ZGRF1: variants seen among roughly 807,000 people sequenced by gnomAD.
ZGRF1 encodes the protein 5'-3' DNA helicase ZGRF1.
In ZGRF1, 196 loss-of-function variants were observed where a neutral mutation model predicts 203.5. That is an observed-to-expected ratio of 0.96 (90% CI 0.86 to 1.08). The LOEUF (loss-of-function observed/expected upper bound fraction) is 1.08, where lower values mean the gene tolerates loss of function less well. Ranked by LOEUF, ZGRF1 falls within the 50% of genes least tolerant of loss-of-function variation. ZGRF1 has a pLI of 0.00. For synonymous variants in ZGRF1, 809 were observed against 841.3 expected, an observed-to-expected ratio of 0.96 and a Z score of 0.66; for missense variants, 2,326 against 2,416.3, an observed-to-expected ratio of 0.96 and a Z score of 0.78.
intron 3 of ZGRF1, among the ~76,000 whole-genome samples, chr4:112,625,594 A>AAG (rs1283150290): frequency 6.7e-6 from 1 of 148,984 alleles, no homozygotes; most frequent in African/African-American, 2.5e-5. Flanking sequence ...TCAAAAAAAA[A>AAG]AAAAAAAGAA....
chr4:112,541,441 T>C (rs963517504), intron 24 of ZGRF1, among the ~76,000 whole-genome samples, 173 bp from the exon 25 acceptor site: 4 of 151,818 alleles, frequency 2.6e-5, no homozygotes, highest in African/African-American at 9.7e-5. Flanking sequence ...AAAAATATGT[T>C]CATATTAATT....
At chr4:112,561,613 G>A (rs1454764917) in intron 18 of ZGRF1, 1 of 152,292 alleles carries the variant, frequency 6.6e-6, no homozygotes, top group African/African-American at 2.4e-5. Context: ...CAATTTTAAT[G>A]CATTTAATAT....
intron 3 of ZGRF1, among the ~76,000 whole-genome samples, chr4:112,630,224 C>T (rs1000591938): frequency 1.3e-5 from 2 of 151,200 alleles, no homozygotes; most frequent in African/African-American, 4.9e-5. Flanking sequence ...TAGGGCCAGG[C>T]GCAGTGGCTC....
chr4:112,626,888 C>T (rs563532280), intron 3 of ZGRF1, among the ~76,000 whole-genome samples: 2 of 152,288 alleles, frequency 1.3e-5, no homozygotes, highest in East Asian at 1.9e-4. Flanking sequence ...TCACTGCAAC[C>T]TCCACCTCCC....
intron 4 of ZGRF1, among the ~76,000 whole-genome samples, chr4:112,621,971 G>A (rs935039097): frequency 3.0e-4 from 46 of 151,136 alleles, no homozygotes; most frequent in Admixed American, 8.6e-4. Flanking sequence ...CAGGTGATCC[G>A]CCTGCCTCGG....
intron 16 of ZGRF1, among the ~76,000 whole-genome samples, chr4:112,564,388 G>A (rs911317379): frequency 6.6e-6 from 1 of 152,124 alleles, no homozygotes; most frequent in African/African-American, 2.4e-5. Context: ...ACTGGGCAGC[G>A]ACTAAGATTT....
Position 112,618,027 on chromosome 4 carries a change from T to G in ZGRF1, c.2015A>C (p.Asn672Thr). 2 of 1,613,010 alleles carry G rather than the reference T, an allele frequency of 1.2e-6. No homozygotes were observed. The highest frequency in any genetic ancestry group is 1.7e-6 in the Non-Finnish European group (2 of 1,179,692). ...ATTCGGGGGTAAAGCAAAATCATAG[T>G]TAATTCTGACTTCTTGAATAGGTTT... ...ANKPIQEVRI[N>T]YDFALPPNKS... Residue 672 changes from asparagine to threonine, a missense_variant, in exon 6 of 28, where the codon AAC (asparagine) becomes ACC (threonine). Asn to Thr is a moderately conservative substitution (Grantham distance 65, BLOSUM62 0). Coordinates refer to ENST00000505019, the MANE Select transcript of ZGRF1 (RefSeq NM_018392.5).
At chr4:112,599,140 C>T (rs1749523329) in intron 10 of ZGRF1, among the ~76,000 whole-genome samples, 1 of 151,836 alleles carries the variant, frequency 6.6e-6, no homozygotes, top group Non-Finnish European at 1.5e-5. Flanking sequence ...GCGAAGAGCT[C>T]CTACAAATCA....
At position 112,618,650 on chromosome 4, in the gene ZGRF1, T is replaced by G. The variant is rs764959242; in HGVS notation, c.1392A>C (p.Thr464=). The G allele has an allele frequency of 1.2e-6, 2 of 1,613,390 alleles. No homozygotes were observed. The highest frequency in any genetic ancestry group is 8.5e-7 in the Non-Finnish European group (1 of 1,179,746). The change falls in exon 6 of 28, where the codon ACA becomes ACC. Residue 464 remains threonine, a synonymous_variant. Coordinates refer to ENST00000505019, the MANE Select transcript of ZGRF1 (RefSeq NM_018392.5). The part of the protein sequence containing the change: ...LIKENAQEVN[T]CGTLEKEYEQ... ...CATACTCCTTTTCCAGTGTTCCACA[T>G]GTATTTACCTCCTGAGCATTTTCTT... is the stretch of plus-strand genomic sequence containing the variant.
intron 4 of ZGRF1, among the ~76,000 whole-genome samples, chr4:112,621,694 A>T (rs929673875): frequency 6.6e-6 from 1 of 151,132 alleles, no homozygotes; most frequent in African/African-American, 2.4e-5. Flanking sequence ...GAAAATATAC[A>T]AACTCTATAT....
chr4:112,633,200 A>T lies in ZGRF1; in HGVS notation c.-24T>A. 6.3e-7 allele frequency: 1 copy of T among 1,597,950 alleles called. No individual in the cohort carries two copies. Among genetic ancestry groups the T allele is most frequent in the Non-Finnish European group, 8.6e-7 (1 of 1,167,022 alleles). On this transcript the variant is annotated 5_prime_UTR_variant, in exon 2 of 28. Coordinates refer to ENST00000505019, the MANE Select transcript of ZGRF1 (RefSeq NM_018392.5). Reference sequence around the variant, plus strand: ...ATTATTTCTTCTGAAGTTATAAACCAGCTGGGTCCAGAAAATAGGAAATAT... The same window carrying T: ...ATTATTTCTTCTGAAGTTATAAACCTGCTGGGTCCAGAAAATAGGAAATAT...
chr4:112,617,701 G>A lies in ZGRF1; in HGVS notation c.2341C>T (p.His781Tyr). 2 of 1,614,062 alleles carry A rather than the reference G, an allele frequency of 1.2e-6. No individual in the cohort carries two copies. Among genetic ancestry groups the A allele is most frequent in the Non-Finnish European group, 1.7e-6 (2 of 1,179,980 alleles). ...KHLISKDTEAHISEPEDLGKI... is the reference protein window; with the variant it reads ...KHLISKDTEAYISEPEDLGKI... ...CCCAAATCTTCAGGTTCAGATATATGTGCTTCTGTGTCTTTGGAAATAAGA... is the reference window on the plus strand; with the variant it reads ...CCCAAATCTTCAGGTTCAGATATATATGCTTCTGTGTCTTTGGAAATAAGA... Residue 781 changes from histidine (H) to tyrosine (Y), a missense_variant, in exon 6 of 28, where the codon CAT becomes TAT. His to Tyr is a moderately conservative substitution (Grantham distance 83, BLOSUM62 2). Transcript: ENST00000505019.
chr4:112,553,053 G>A (rs969592517), intron 22 of ZGRF1, among the ~76,000 whole-genome samples: 1 of 152,212 alleles, frequency 6.6e-6, no homozygotes, highest in South Asian at 2.1e-4. Flanking sequence ...TACTGAGACT[G>A]AGTTTGTTAA....
Position 112,586,586 on chromosome 4 carries a change from G to A in ZGRF1, c.3778-3C>T. ...CACAGCTCAGAGCCACTTATCTCCT[G>A]CAATGGAATAATTCAAGTTATCATA... On this transcript the variant is annotated splice_polypyrimidine_tract_variant and splice_region_variant and intron_variant, in intron 12 of 27. Transcript: ENST00000505019. The A allele has an allele frequency of 1.3e-6, 2 of 1,594,966 alleles. No individual in the cohort carries two copies. Among genetic ancestry groups the A allele is most frequent in the Non-Finnish European group, 1.7e-6 (2 of 1,169,322 alleles).
At position 112,620,149 on chromosome 4, in the gene ZGRF1, GAT is replaced by G; in HGVS notation, c.202_203del (p.Ile68HisfsTer3). ...GDDLESDRYLITVEEVKVAGA... is the reference protein window; with the variant it reads ...GDDLESDRYLXTVEEVKVAGA... ...CAGCAACTTTAACCTCTTCAACTGT[GAT>G]TAAGTATCGATCACTTTCTAAGTCA... On this transcript the variant is annotated frameshift_variant, in exon 5 of 28. Coordinates refer to ENST00000505019, the MANE Select transcript of ZGRF1 (RefSeq NM_018392.5). LOFTEE classifies it high-confidence loss of function. 1 of 1,608,594 alleles carries G rather than the reference GAT, an allele frequency of 6.2e-7. No homozygotes were observed. The highest frequency in any genetic ancestry group is 8.5e-7 in the Non-Finnish European group (1 of 1,178,334).
intron 4 of ZGRF1, among the ~76,000 whole-genome samples, chr4:112,620,768 G>A (rs1331213187): frequency 6.6e-6 from 1 of 151,564 alleles, no homozygotes; most frequent in Non-Finnish European, 1.5e-5. Context: ...GGGGAATGAG[G>A]TGGGAGGATG....
At chr4:112,550,222 T>C (rs1739674918) in intron 22 of ZGRF1, among the ~76,000 whole-genome samples, 1 of 151,242 alleles carries the variant, frequency 6.6e-6, no homozygotes, top group South Asian at 2.1e-4. Context: ...AACTTTCTAG[T>C]GGGACAAGAT....
intron 8 of ZGRF1, among the ~76,000 whole-genome samples, 168 bp downstream of exon 8, chr4:112,609,211 G>A (rs773235414): frequency 1.8e-4 from 27 of 151,782 alleles, no homozygotes; most frequent in Non-Finnish European, 3.2e-4. Context: ...CTGCCACCAC[G>A]CCCAGCTAAT....
intron 4 of ZGRF1, among the ~76,000 whole-genome samples, chr4:112,622,869 T>C (rs908445717): frequency 2.0e-5 from 3 of 152,202 alleles, no homozygotes; most frequent in Non-Finnish European, 4.4e-5. Context: ...AGGTTTGTTA[T>C]ATAGGTAAAC....
Sources: allele counts gnomAD v4.1 joint callset (sites outside exome capture counted in the v4.1 genomes callset), GRCh38; gene constraint gnomAD v4.1.1; transcripts MANE v1.5; gene names NCBI Gene and HGNC (gene_info 2026-07-23, HGNC 2026-07-21).